Variants in PEMT observed in about 807,000 individuals in gnomAD.
PEMT encodes the protein phosphatidylethanolamine N-methyltransferase.
A neutral mutation model predicts 27.4 loss-of-function variants in PEMT; 23 were observed. The observed-to-expected ratio is 0.84, with a 90% confidence interval of 0.60 to 1.19. The LOEUF (loss-of-function observed/expected upper bound fraction) is 1.19. Ranked by LOEUF, PEMT falls within the 50% of genes most tolerant of loss-of-function variation. PEMT has a pLI of 0.00. For synonymous variants in PEMT, 137 were observed against 139.1 expected (o/e 0.98, Z 0.11); for missense variants, 307 against 310.1 (o/e 0.99, Z 0.07).
At chr17:17,531,621 C>CAAAAAAAAAAAAAAAAAAAAA (rs58165466) in intron 2 of PEMT, among the ~76,000 whole-genome samples, 1 of 62,382 alleles carries the variant, frequency 1.6e-5, no homozygotes, top group Non-Finnish European at 2.9e-5. Context: ...CTATCATATG[C>CAAAAAAAAAAAAAAAAAAAAA]AAAAAAAAAA....
intron 2 of PEMT, among the ~76,000 whole-genome samples, chr17:17,536,466 CTCTG>C (rs1268109640): frequency 1.3e-5 from 2 of 152,330 alleles, no homozygotes. Context: ...CAAAGGCCTC[CTCTG>C]TCTGCCTCCG....
At chr17:17,528,449 T>C (rs1907852529) in intron 2 of PEMT, among the ~76,000 whole-genome samples, 1 of 152,060 alleles carries the variant, frequency 6.6e-6, no homozygotes, top group Admixed American at 6.6e-5. Flanking sequence ...CAAGCACGGG[T>C]CTGTGTGGAA....
chr17:17,591,674 C>T lies in PEMT; in HGVS notation c.-48G>A. 1.3e-6 allele frequency: 2 copies of T among 1,578,488 alleles called. No homozygotes were observed. Among genetic ancestry groups the T allele is most frequent in the East Asian group, 2.4e-5 (1 of 42,346 alleles). On this transcript the variant is annotated 5_prime_UTR_variant, in exon 1 of 7. Coordinates refer to ENST00000255389, the MANE Select transcript of PEMT (RefSeq NM_148172.3). The stretch of plus-strand genomic sequence containing the variant: ...CCACGCGGGCCCCGCTGCAGCCACG[C>T]GCCCCCGGAACCGGACCTATAGAGC...
In PEMT at chr17:17,513,467, G is replaced by A. The variant is rs1247657626; in HGVS notation, c.321-813C>T. ...CAAAAATTAGCTGGGTGTGGTGGTG[G>A]GCACCTGGAATCCCAGCTACTTGAG... On this transcript the variant is annotated intron_variant, in intron 3 of 6. Transcript: ENST00000255389. This position sits in a 1 kb window ranked among gnomAD's most constrained non-coding sequence, Gnocchi z 4.1. Among the ~76,000 whole-genome samples the A allele has an allele frequency of 2.0e-5, 3 of 152,112 alleles. No individual in the cohort carries two copies. Among genetic ancestry groups the A allele is most frequent in the African/African-American group, 7.2e-5 (3 of 41,392 alleles).
At chr17:17,588,794 C>G (rs1912453263) in intron 1 of PEMT, among the ~76,000 whole-genome samples, 3 of 152,232 alleles carry the variant, frequency 2.0e-5, no homozygotes, top group Admixed American at 2.0e-4. Flanking sequence ...AGACCCTGCT[C>G]TCATCCATCT....
intron 5 of PEMT, chr17:17,507,670 A>G (rs919995883): frequency 6.2e-6 from 1 of 160,632 alleles, no homozygotes; most frequent in Admixed American, 6.1e-5. Context: ...GTCCCCTGGC[A>G]TCGGGCTCAC....
intron 2 of PEMT, among the ~76,000 whole-genome samples, chr17:17,531,091 G>A (rs897598464): frequency 2.6e-5 from 4 of 151,484 alleles, no homozygotes; most frequent in Non-Finnish European, 4.4e-5. Flanking sequence ...CTGGAACAGT[G>A]AGCACCCTAG....
chr17:17,551,407 C>T (rs9908873), intron 2 of PEMT, among the ~76,000 whole-genome samples: 168 of 152,350 alleles, frequency 1.1e-3, no homozygotes, highest in African/African-American at 3.8e-3. Flanking sequence ...GGGCCACACA[C>T]GGTGGTGAGC....
intron 5 of PEMT, 81 bp downstream of exon 5, chr17:17,509,353 T>C (rs914857148): frequency 1.1e-6 from 1 of 877,466 alleles, no homozygotes; most frequent in African/African-American, 1.7e-5. Context: ...CCAGGGGCCC[T>C]GGCCCCCGCG....
upstream of PEMT, chr17:17,591,926 G>T (rs1008954447): frequency 1.0e-6 from 1 of 985,334 alleles, no homozygotes; most frequent in Admixed American, 6.1e-5. Context: ...CCCGCCCAGT[G>T]CCTTTGGTCG....
chr17:17,558,189 A>AACACAC (rs59657645), intron 2 of PEMT, among the ~76,000 whole-genome samples: 21 of 150,194 alleles, frequency 1.4e-4, no homozygotes, highest in East Asian at 5.9e-4. Flanking sequence ...CACACATACA[A>AACACAC]ACACACACAC....
rs550692091 is a variant in PEMT, at chr17:17,580,084, G to T, written c.97-3057C>A. Among the ~76,000 whole-genome samples the T allele has an allele frequency of 3.9e-5, 6 of 152,322 alleles. No homozygotes were observed. In the South Asian group the frequency reaches 1.0e-3, roughly 26 times the overall value. Reference sequence around the variant, plus strand: ...CAGAGCAGGCTGTCCTGCCCTGAAGGGAGGGGAAGGGAGGGGAGGGAAGGC... The same window carrying T: ...CAGAGCAGGCTGTCCTGCCCTGAAGTGAGGGGAAGGGAGGGGAGGGAAGGC... On this transcript the variant is annotated intron_variant, in intron 1 of 6. Transcript: ENST00000255389.
At chr17:17,530,364 G>A (rs989215631) in intron 2 of PEMT, among the ~76,000 whole-genome samples, 9 of 152,122 alleles carry the variant, frequency 5.9e-5, no homozygotes, top group Non-Finnish European at 7.4e-5. Flanking sequence ...GCATGATGGC[G>A]GGTGCCTTTA....
At chr17:17,516,327 C>G (rs1037457851) in intron 3 of PEMT, among the ~76,000 whole-genome samples, 1 of 152,064 alleles carries the variant, frequency 6.6e-6, no homozygotes, top group Non-Finnish European at 1.5e-5. Flanking sequence ...ATGCAACCCC[C>G]GAGACCATCA....
intron 2 of PEMT, among the ~76,000 whole-genome samples, chr17:17,546,051 C>T (rs1909240285): frequency 6.6e-6 from 1 of 152,186 alleles, no homozygotes; most frequent in African/African-American, 2.4e-5. Flanking sequence ...TCTGCTGAGC[C>T]CTGAAGCCTC....
chr17:17,586,256 GAAAGAAAGAA>G (rs1235397992), intron 1 of PEMT, among the ~76,000 whole-genome samples: 1 of 104,332 alleles, frequency 9.6e-6, no homozygotes, highest in Non-Finnish European at 1.9e-5. Flanking sequence ...AAGAAAGAAA[GAAAGAAAGAA>G]AGAAAGAAAG....
chr17:17,511,832 C>T (rs1906432999), intron 4 of PEMT, among the ~76,000 whole-genome samples: 1 of 147,732 alleles, frequency 6.8e-6, no homozygotes, highest in Non-Finnish European at 1.5e-5. Flanking sequence ...CCGACCCCTA[C>T]TGCCTTTCCC....
At chr17:17,555,233 C>A (rs921637920) in intron 2 of PEMT, among the ~76,000 whole-genome samples, 2 of 152,142 alleles carry the variant, frequency 1.3e-5, no homozygotes, top group African/African-American at 4.8e-5. Flanking sequence ...GTACCCACCC[C>A]CAAGAAGAAG....
chr17:17,581,112 C>T (rs573975160), intron 1 of PEMT, among the ~76,000 whole-genome samples: 19 of 152,286 alleles, frequency 1.2e-4, no homozygotes, highest in Middle Eastern at 3.4e-3. Flanking sequence ...ATATCACTGG[C>T]GCCCCTTCAA....
Sources: allele counts gnomAD v4.1 joint callset (sites outside exome capture counted in the v4.1 genomes callset), GRCh38; gene constraint gnomAD v4.1.1; non-coding constraint Gnocchi (gnomAD v3.1); transcripts MANE v1.5; gene names NCBI Gene and HGNC (gene_info 2026-07-23, HGNC 2026-07-21).